The following FAM168B variants were observed in gnomAD, a reference collection of about 807,000 sequenced individuals.
FAM168B encodes the protein myelin-associated neurite-outgrowth inhibitor.
Under a neutral mutation model 21.8 loss-of-function variants are expected in FAM168B, and 19 were observed. That is an observed-to-expected ratio of 0.87 (90% CI 0.61 to 1.28). The LOEUF (loss-of-function observed/expected upper bound fraction) is 1.28. Ranked by LOEUF, FAM168B falls within the 50% of genes most tolerant of loss-of-function variation. The pLI, the probability that FAM168B is intolerant of heterozygous loss-of-function variation, is 0.00. For synonymous variants in FAM168B, 126 were observed against 104.8 expected (o/e 1.20, Z -1.24); for missense variants, 233 against 263.1 (o/e 0.89, Z 0.79).
intron 3 of FAM168B, among the ~76,000 whole-genome samples, chr2:131,063,964 G>A (rs1479102703): frequency 1.3e-5 from 2 of 151,090 alleles, no homozygotes; most frequent in African/African-American, 4.9e-5. Context: ...TTACCTCATC[G>A]TACCCAAAAA....
chr2:131,092,954 C>T (rs1694110390), intron 1 of FAM168B, among the ~76,000 whole-genome samples: 1 of 152,074 alleles, frequency 6.6e-6, no homozygotes, highest in Non-Finnish European at 1.5e-5. Flanking sequence ...AGGAGAACGC[C>T]CCGCGCCGCG....
intron 3 of FAM168B, among the ~76,000 whole-genome samples, chr2:131,057,838 T>C (rs1341690269): frequency 1.3e-5 from 2 of 152,168 alleles, no homozygotes; most frequent in East Asian, 1.9e-4. Context: ...TTTTTTTTAT[T>C]TTTATTTTTT....
In FAM168B at chr2:131,052,990, T is replaced by C; in HGVS notation, c.501A>G (p.Pro167=). 6.4e-7 allele frequency: 1 copy of C among 1,555,452 alleles called. No homozygotes were observed. Among genetic ancestry groups the C allele is most frequent in the Non-Finnish European group, 8.7e-7 (1 of 1,149,222 alleles). ...SAGTLLTAHS[P]TPVAPHPVTV... ...TGACCGGGTGGGGGGCGACAGGAGT[T>C]GGGGAGTGAGCAGTCAGCAGGGTAC... The change falls in exon 6 of 7, where the codon CCA becomes CCG. Residue 167 remains proline, a synonymous_variant. Coordinates refer to ENST00000389915, the MANE Select transcript of FAM168B (RefSeq NM_001009993.4).
Position 131,066,337 on chromosome 2 carries a change from G to A in FAM168B, c.154+5518C>T, listed in dbSNP as rs189254827. ...ACTACAGGCGCCCACCACCACACCC[G>A]GCTAATTTTCTGTATTTTTAGTAGA... On this transcript the variant is annotated intron_variant, in intron 3 of 6. Transcript: ENST00000389915. 6.0e-3 allele frequency among the ~76,000 whole-genome samples: 908 copies of A among 151,830 alleles called. 10 individuals are homozygous for A. Among genetic ancestry groups the A allele is most frequent in the African/African-American group, 0.02 (835 of 41,402 alleles).
chr2:131,074,046 G>GAT (rs2105533170), intron 2 of FAM168B, among the ~76,000 whole-genome samples: 1 of 152,302 alleles, frequency 6.6e-6, no homozygotes, highest in East Asian at 1.9e-4. Context: ...TGCCCTTTTC[G>GAT]ATAAGGCCTC....
rs184153393 is a variant in FAM168B at position 131,052,951 on chromosome 2, G to A, written c.540C>T (p.Tyr180=). 133 of 1,564,134 alleles carry A rather than the reference G, an allele frequency of 8.5e-5. No individual in the cohort carries two copies. In the East Asian group the frequency reaches 3.1e-3, roughly 36 times the overall value. Residue 180 remains tyrosine, a synonymous_variant, in exon 6 of 7, where the codon TAC becomes TAT. Transcript: ENST00000389915. ...TGTAAGTGGGCGTTCCTGGGGCCCG[G>A]TACGTGGGCACAGTGACCGGGTGGG... The part of the protein sequence containing the change: ...VAPHPVTVPT[Y]RAPGTPTYSY...
intron 3 of FAM168B, among the ~76,000 whole-genome samples, chr2:131,063,925 C>T (rs1692430154): frequency 6.6e-6 from 1 of 151,758 alleles, no homozygotes; most frequent in Admixed American, 6.6e-5. Flanking sequence ...TCAACAGGAA[C>T]TTCACAAACT....
intron 2 of FAM168B, among the ~76,000 whole-genome samples, chr2:131,073,029 T>C (rs527306474): frequency 6.6e-6 from 1 of 152,328 alleles, no homozygotes; most frequent in South Asian, 2.1e-4. Context: ...TTAAAAGCTA[T>C]TATTTTTTGT....
intron 3 of FAM168B, among the ~76,000 whole-genome samples, chr2:131,061,497 A>G (rs1445914602): frequency 6.6e-6 from 1 of 151,754 alleles, no homozygotes; most frequent in East Asian, 2.0e-4. Context: ...AAGATGAATT[A>G]TAGTCAGGCG....
chr2:131,049,647 T>C lies in FAM168B; in HGVS notation c.*2818A>G, dbSNP rs1558924521. Reference sequence around the variant, plus strand: ...CAGGGGAGAAGGTGTAGAACAAATATTTTTTAAATAGCCATCATGATGTCC... The same window carrying C: ...CAGGGGAGAAGGTGTAGAACAAATACTTTTTAAATAGCCATCATGATGTCC... On this transcript the variant is annotated 3_prime_UTR_variant, in exon 7 of 7. Transcript: ENST00000389915. 5 of 985,676 alleles carry C rather than the reference T, an allele frequency of 5.1e-6. No individual in the cohort carries two copies. In the African/African-American group the frequency reaches 5.2e-5, roughly 10 times the overall value. The allele number at this position is 985,676 out of a possible 1,614,324, so 61.1% of individuals were successfully genotyped here.
chr2:131,078,236 G>C lies in FAM168B; in HGVS notation c.70+4341C>G, dbSNP rs76988493. On this transcript the variant is annotated intron_variant, in intron 2 of 6. Transcript: ENST00000389915. ...ATCCAGAGACTGCAGTTAGCAAACAGTTTTTAAAATAACTCAGTAGTATGT... is the reference window on the plus strand; with the variant it reads ...ATCCAGAGACTGCAGTTAGCAAACACTTTTTAAAATAACTCAGTAGTATGT... Among the ~76,000 whole-genome samples the C allele has an allele frequency of 5.6e-3, 852 of 152,232 alleles. 5 individuals are homozygous for C. Among genetic ancestry groups the C allele is most frequent in the African/African-American group, 0.019 (781 of 41,542 alleles).
intron 2 of FAM168B, among the ~76,000 whole-genome samples, chr2:131,076,013 C>A (rs971870469): frequency 6.6e-6 from 1 of 152,114 alleles, no homozygotes; most frequent in Non-Finnish European, 1.5e-5. Context: ...CCACTCTGAC[C>A]CAAGCCGCAG....
intron 3 of FAM168B, among the ~76,000 whole-genome samples, chr2:131,059,710 G>A (rs1692197415): frequency 6.6e-6 from 1 of 152,106 alleles, no homozygotes; most frequent in Non-Finnish European, 1.5e-5. Flanking sequence ...AACCCACAGG[G>A]TTCCCTTTCT....
Position 131,051,517 on chromosome 2 carries a change from A to G in FAM168B, c.*948T>C. 1.0e-6 allele frequency: 1 copy of G among 985,236 alleles called. No homozygotes were observed. The highest frequency in any genetic ancestry group is 1.2e-6 in the Non-Finnish European group (1 of 829,842). 61.0% of individuals were successfully genotyped at this position (985,236 alleles called of 1,614,324 possible). On this transcript the variant is annotated 3_prime_UTR_variant, in exon 7 of 7. Coordinates refer to ENST00000389915, the MANE Select transcript of FAM168B (RefSeq NM_001009993.4). ...AAAAAAAGGAATGATTTTCTAAGCT[A>G]AATAAAGCAGAGGACAATACCTCCT...
intron 5 of FAM168B, among the ~76,000 whole-genome samples, chr2:131,053,248 T>C (rs929324458): frequency 2.0e-5 from 3 of 152,172 alleles, no homozygotes; most frequent in Non-Finnish European, 4.4e-5. Context: ...TGTGTCCCCT[T>C]CATAAAGCAC....
chr2:131,079,371 A>G (rs1417092328), intron 2 of FAM168B, among the ~76,000 whole-genome samples: 6 of 152,204 alleles, frequency 3.9e-5, no homozygotes, highest in African/African-American at 1.2e-4. Flanking sequence ...GCTGCTCAGG[A>G]GGCTGAGGCA....
chr2:131,092,020 T>C (rs2105617523), intron 1 of FAM168B, among the ~76,000 whole-genome samples: 1 of 150,086 alleles, frequency 6.7e-6, no homozygotes, highest in East Asian at 2.0e-4. Flanking sequence ...GGCGGGCGCC[T>C]GCAGTCCCAG....
In FAM168B at chr2:131,048,959, G is replaced by A; in HGVS notation, c.*3506C>T. 1 of 985,808 alleles carries A rather than the reference G, an allele frequency of 1.0e-6. No homozygotes were observed. The highest frequency in any genetic ancestry group is 1.2e-6 in the Non-Finnish European group (1 of 830,006). The allele number at this position is 985,808 out of a possible 1,614,324, so 61.1% of individuals were successfully genotyped here. A position where few individuals can be genotyped will look rare whatever the true frequency, so the allele number is the denominator to read the frequency against. The stretch of plus-strand genomic sequence containing the variant: ...CGGATAAGGTGAAGGTGGCCCAACT[G>A]CTCAGAGTAACACTGTTCTCAAATG... On this transcript the variant is annotated 3_prime_UTR_variant, in exon 7 of 7. Coordinates refer to ENST00000389915, the MANE Select transcript of FAM168B (RefSeq NM_001009993.4).
intron 2 of FAM168B, among the ~76,000 whole-genome samples, chr2:131,074,725 CAG>C (rs1491464001): frequency 1.4e-4 from 22 of 152,252 alleles, no homozygotes; most frequent in South Asian, 6.2e-4. Context: ...GAGGTAAAAA[CAG>C]GGGGGATCTG....
Sources: gnomAD v4.1 joint callset for allele counts (sites outside exome capture counted in the v4.1 genomes callset) on GRCh38, gnomAD v4.1.1 for gene constraint, MANE v1.5 for transcripts, NCBI Gene and HGNC (gene_info 2026-07-23, HGNC 2026-07-21) for gene names.